The following KIF3B variants were observed in gnomAD, a reference collection of about 807,000 sequenced individuals.
KIF3B encodes the protein kinesin family member 3B.
In KIF3B, 38 loss-of-function variants were observed where a neutral mutation model predicts 74.3. The ratio of observed to expected loss-of-function variants is 0.51; its 90% CI spans 0.39 to 0.67. The LOEUF (loss-of-function observed/expected upper bound fraction) is 0.67. Among genes scored for constraint, KIF3B ranks in the 30% least tolerant of loss-of-function variants. The probability of loss-of-function intolerance (pLI) is 0.00; values close to 1 mark genes in which losing one functional copy is unlikely to be tolerated. For missense variants in KIF3B, 649 were observed against 932.0 expected (o/e 0.70, Z 3.95); for synonymous variants, 326 against 342.5 (o/e 0.95, Z 0.53).
intron 1 of KIF3B, among the ~76,000 whole-genome samples, chr20:32,305,767 A>G (rs985512483): frequency 1.3e-5 from 2 of 149,972 alleles, no homozygotes; most frequent in Admixed American, 1.3e-4. Flanking sequence ...TTTTTTTAGT[A>G]CAGATGGTGT....
rs900008760 is a variant in KIF3B, at chr20:32,297,991, T to C, written c.-65-11722T>C. ...TGGGCAAGGTGGCGCATCCCTGCAATCCCAGCTACTTGGGAGGCTAAGCGG... is the reference window on the plus strand; with the variant it reads ...TGGGCAAGGTGGCGCATCCCTGCAACCCCAGCTACTTGGGAGGCTAAGCGG... On this transcript the variant is annotated intron_variant, in intron 1 of 8. Coordinates refer to ENST00000375712, the MANE Select transcript of KIF3B (RefSeq NM_004798.4). 2.6e-5 allele frequency among the ~76,000 whole-genome samples: 4 copies of C among 151,586 alleles called. No individual in the cohort carries two copies. In the East Asian group the frequency reaches 7.7e-4, roughly 29 times the overall value.
In KIF3B at chr20:32,326,817, A is replaced by G. The variant is rs761732941; in HGVS notation, c.1795A>G (p.Ile599Val). The change falls in exon 6 of 9, where the codon ATT becomes GTT. Residue 599 changes from isoleucine (I) to valine (V), a missense_variant. Physicochemically the swap from Ile to Val is conservative, Grantham distance 29. Coordinates refer to ENST00000375712, the MANE Select transcript of KIF3B (RefSeq NM_004798.4). ...NFIPLEEKSKIMNRAFFDEEE... is the reference protein window; with the variant it reads ...NFIPLEEKSKVMNRAFFDEEE... Reference sequence around the variant, plus strand: ...TATCCCTCTGGAAGAAAAAAGTAAAATTATGAATAGAGCCTTCTTTGATGA... The same window carrying G: ...TATCCCTCTGGAAGAAAAAAGTAAAGTTATGAATAGAGCCTTCTTTGATGA... 1.3e-6 allele frequency: 2 copies of G among 1,592,754 alleles called. No homozygotes were observed. Among genetic ancestry groups the G allele is most frequent in the Non-Finnish European group, 1.7e-6 (2 of 1,162,828 alleles).
chr20:32,329,440 C>A (rs2047920052), intron 7 of KIF3B, among the ~76,000 whole-genome samples: 1 of 151,580 alleles, frequency 6.6e-6, no homozygotes, highest in Non-Finnish European at 1.5e-5. Flanking sequence ...TCCTCAGACT[C>A]CTCGGCTCAA....
intron 5 of KIF3B, among the ~76,000 whole-genome samples, chr20:32,321,971 T>G (rs1053103235): frequency 6.6e-6 from 1 of 152,162 alleles, no homozygotes; most frequent in African/African-American, 2.4e-5. Flanking sequence ...ATTGGAGTAG[T>G]CTGGAACCAA....
chr20:32,298,379 G>C (rs1469953604), intron 1 of KIF3B, among the ~76,000 whole-genome samples: 1 of 152,066 alleles, frequency 6.6e-6, no homozygotes, highest in Non-Finnish European at 1.5e-5. Context: ...GCAGTGAGCT[G>C]TGATTGCGCC....
Position 32,284,778 on chromosome 20 carries a change from G to A in KIF3B, c.-66+7013G>A, listed in dbSNP as rs2047659723. ...CCTAGGTAATCAGTAGCAAAACTAAGACTTACCAATGATAATGACAATGAA... is the reference window on the plus strand; with the variant it reads ...CCTAGGTAATCAGTAGCAAAACTAAAACTTACCAATGATAATGACAATGAA... On this transcript the variant is annotated intron_variant, in intron 1 of 8. Transcript: ENST00000375712. 2.6e-5 allele frequency among the ~76,000 whole-genome samples: 4 copies of A among 152,202 alleles called. 2 individuals carry two copies. The South Asian group carries it at 8.3e-4, about 31-fold the overall frequency.
chr20:32,321,484 C>A (rs1322628281), intron 5 of KIF3B, among the ~76,000 whole-genome samples: 1 of 150,866 alleles, frequency 6.6e-6, no homozygotes, highest in African/African-American at 2.4e-5. Context: ...TTATTTATTT[C>A]TGGACTTTCA....
rs879335839 is a variant in KIF3B at position 32,315,957 on chromosome 20, C to CA, written c.1405-249dup. On this transcript the variant is annotated intron_variant, in intron 2 of 8. Transcript: ENST00000375712. Reference sequence around the variant, plus strand: ...GGGGTTAATACTTTGTAGAAACAAGCAAAAAAAAAAAATTTGTTAAAGCTG... The same window carrying CA: ...GGGGTTAATACTTTGTAGAAACAAGCAAAAAAAAAAAAATTTGTTAAAGCTG... Among the ~76,000 whole-genome samples the CA allele has an allele frequency of 2.6e-3, 372 of 141,514 alleles. 1 individual carries two copies. Among genetic ancestry groups the CA allele is most frequent in the African/African-American group, 7.7e-3 (299 of 38,680 alleles). The allele number at this position is 141,514 out of a possible 152,430, so 92.8% of individuals were successfully genotyped here.
intron 1 of KIF3B, among the ~76,000 whole-genome samples, chr20:32,299,477 C>G (rs2047733253): frequency 7.4e-6 from 1 of 135,906 alleles, no homozygotes; most frequent in African/African-American, 2.8e-5. Context: ...GTGTCGCAAT[C>G]TCAGCTCGCT....
chr20:32,285,982 A>C (rs1215478872), intron 1 of KIF3B, among the ~76,000 whole-genome samples: 1 of 152,214 alleles, frequency 6.6e-6, no homozygotes, highest in Non-Finnish European at 1.5e-5. Flanking sequence ...TTCACACAGG[A>C]AGATCTATCT....
At chr20:32,284,335 A>G (rs2047657909) in intron 1 of KIF3B, among the ~76,000 whole-genome samples, 1 of 152,162 alleles carries the variant, frequency 6.6e-6, no homozygotes. Flanking sequence ...TGGACTACAT[A>G]TTATCCCTGG....
intron 1 of KIF3B, among the ~76,000 whole-genome samples, chr20:32,282,942 T>G (rs2047650845): frequency 6.6e-6 from 1 of 152,230 alleles, no homozygotes; most frequent in South Asian, 2.1e-4. Context: ...TAACTGTACT[T>G]GTAAATCTGG....
chr20:32,315,781 C>G (rs140379868), intron 2 of KIF3B, among the ~76,000 whole-genome samples: 19 of 152,146 alleles, frequency 1.2e-4, no homozygotes, highest in African/African-American at 4.6e-4. Context: ...CCATGAATTA[C>G]TGTGTCCTTT....
chr20:32,314,782 T>C (rs1359357486), intron 2 of KIF3B, among the ~76,000 whole-genome samples: 1 of 152,086 alleles, frequency 6.6e-6, no homozygotes, highest in East Asian at 1.9e-4. Context: ...TGCTGAAGGC[T>C]CCCAATCTGT....
chr20:32,330,232 C>T lies in KIF3B; in HGVS notation c.2060C>T (p.Ala687Val), dbSNP rs2047923739. 12 of 1,614,026 alleles carry T rather than the reference C, an allele frequency of 7.4e-6. No homozygotes were observed. Among genetic ancestry groups the T allele is most frequent in the African/African-American group, 1.3e-5 (1 of 74,978 alleles). Residue 687 changes from alanine to valine, a missense_variant, in exon 8 of 9, where the codon GCA (alanine) becomes GTA (valine). Physicochemically the swap from Ala to Val is moderately conservative, Grantham distance 64. Around this residue, in one of 4 missense-constraint regions of KIF3B, gnomAD observed 186 missense variants for 198.5 expected, o/e 0.94. Coordinates refer to ENST00000375712, the MANE Select transcript of KIF3B (RefSeq NM_004798.4). ...GPAIAPKVQA[A>V]LDAALQDEDE... ...GCCATTGCCCCCAAGGTCCAGGCTG[C>T]ATTGGATGCGGCTCTGCAGGATGAA...
intron 7 of KIF3B, among the ~76,000 whole-genome samples, chr20:32,328,620 A>G (rs1246575236): frequency 6.6e-6 from 1 of 151,788 alleles, no homozygotes; most frequent in Non-Finnish European, 1.5e-5. Flanking sequence ...CTCAAAAAAA[A>G]AAAAAAGTCA....
chr20:32,330,240 G>A lies in KIF3B; in HGVS notation c.2068G>A (p.Ala690Thr). Reference sequence around the variant, plus strand: ...CCCCAAGGTCCAGGCTGCATTGGATGCGGCTCTGCAGGATGAAGATGAGAT... The same window carrying A: ...CCCCAAGGTCCAGGCTGCATTGGATACGGCTCTGCAGGATGAAGATGAGAT... The part of the protein sequence containing the change: ...IAPKVQAALD[A>T]ALQDEDEIQV... The change falls in exon 8 of 9, where the codon GCG becomes ACG. Residue 690 changes from alanine (A) to threonine (T), a missense_variant. Ala to Thr is a moderately conservative substitution (Grantham distance 58). Around this residue, in one of 4 missense-constraint regions of KIF3B, gnomAD observed 186 missense variants for 198.5 expected, o/e 0.94. Transcript: ENST00000375712. The A allele has an allele frequency of 6.2e-7, 1 of 1,614,134 alleles. No homozygotes were observed. The highest frequency in any genetic ancestry group is 2.2e-5 in the East Asian group (1 of 44,884).
Position 32,321,368 on chromosome 20 carries a change from G to T in KIF3B, c.1748+4494G>T, listed in dbSNP as rs570786503. Among the ~76,000 whole-genome samples, 211 of 151,758 alleles carry T rather than the reference G, an allele frequency of 1.4e-3. 4 individuals carry two copies. The highest frequency in any genetic ancestry group is 2.6e-3 in the Non-Finnish European group (174 of 67,970). On this transcript the variant is annotated intron_variant, in intron 5 of 8. Coordinates refer to ENST00000375712, the MANE Select transcript of KIF3B (RefSeq NM_004798.4). ...CCCTTGAACCTGGGAGGTGTAGGTT[G>T]CAGTGAGCTGAGATCATGCCACTGT...
chr20:32,316,984 C>T, intron 5 of KIF3B, 110 bp downstream of exon 5: 1 of 817,034 alleles, frequency 1.2e-6, no homozygotes, highest in Non-Finnish European at 2.1e-6. Context: ...GCCTGTAATC[C>T]CAGTGTTTTG....
Sources: allele counts gnomAD v4.1 joint callset (sites outside exome capture counted in the v4.1 genomes callset), GRCh38; gene constraint gnomAD v4.1.1; regional missense constraint gnomAD v4.1.1; transcripts MANE v1.5; gene names NCBI Gene and HGNC (gene_info 2026-07-23, HGNC 2026-07-21).